TPR: variants seen among roughly 807,000 people sequenced by gnomAD.
The protein encoded by TPR is nucleoprotein TPR.
TPR carries 51 observed loss-of-function variants against 316.1 expected under a neutral mutation model. The observed-to-expected ratio is 0.16, with a 90% confidence interval of 0.13 to 0.20. The LOEUF (loss-of-function observed/expected upper bound fraction) is 0.20, where lower values mean the gene tolerates loss of function less well. Ranked by LOEUF, TPR falls within the 10% of genes least tolerant of loss-of-function variation. TPR has a pLI of 1.00. For missense variants in TPR, 2,272 were observed against 2,754.8 expected, an observed-to-expected ratio of 0.82 and a Z score of 3.92; for synonymous variants, 981 against 914.7, an observed-to-expected ratio of 1.07 and a Z score of -1.31.
intron 49 of TPR, among the ~76,000 whole-genome samples, chr1:186,315,886 A>C (rs142306517): frequency 9.0e-4 from 131 of 144,852 alleles, no homozygotes; most frequent in Non-Finnish European, 1.5e-3. Flanking sequence ...TATGCTCTTC[A>C]TTAAGTAACT....
intron 35 of TPR, among the ~76,000 whole-genome samples, chr1:186,334,791 C>CA (rs1183292081): frequency 6.6e-6 from 1 of 152,064 alleles, no homozygotes; most frequent in African/African-American, 2.4e-5. Context: ...CATCATGTAA[C>CA]ATCACGGGGA....
chr1:186,335,645 T>A (rs1358399981), intron 33 of TPR, 102 bp from the exon 34 acceptor site: 2 of 857,422 alleles, frequency 2.3e-6, no homozygotes, highest in Non-Finnish European at 3.5e-6. Flanking sequence ...TCTACTACTA[T>A]AACATCTACA....
Position 186,338,065 on chromosome 1 carries a change from G to T in TPR, c.4330C>A (p.Gln1444Lys). The T allele has an allele frequency of 6.2e-7, 1 of 1,607,670 alleles. No homozygotes were observed. The highest frequency in any genetic ancestry group is 1.1e-5 in the South Asian group (1 of 89,906). The change falls in exon 31 of 51, where the codon CAA becomes AAA. Residue 1444 changes from glutamine (Q) to lysine (K), a missense_variant. Transcript: ENST00000367478. ...TGTTGTGCTTTAAGTTCTTCATATT[G>T]AGTCTTGTACCTACGTCCAATTTTC... Reference protein sequence around the residue: ...VKKIGRRYKTQYEELKAQQDK... With the variant: ...VKKIGRRYKTKYEELKAQQDK...
Position 186,317,472 on chromosome 1 carries a change from A to G in TPR, c.6940+10T>C. 1 of 1,607,614 alleles carries G rather than the reference A, an allele frequency of 6.2e-7. No homozygotes were observed. Among genetic ancestry groups the G allele is most frequent in the African/African-American group, 1.3e-5 (1 of 74,928 alleles). On this transcript the variant is annotated intron_variant, in intron 49 of 50. Coordinates refer to ENST00000367478, the MANE Select transcript of TPR (RefSeq NM_003292.3). ...TAAAAACTGTATTGCAGTCAAGGGC[A>G]GGGACTCACCTACAGATGAGCTAGA... is the stretch of plus-strand genomic sequence containing the variant.
intron 42 of TPR, 144 bp downstream of exon 42, chr1:186,325,620 G>A (rs1055409330): frequency 1.6e-6 from 1 of 620,486 alleles, no homozygotes; most frequent in African/African-American, 1.8e-5. Flanking sequence ...CTTTTTATGA[G>A]AGCACAACAG....
intron 4 of TPR, among the ~76,000 whole-genome samples, chr1:186,365,268 G>A (rs1374237664): frequency 3.9e-5 from 6 of 151,968 alleles, no homozygotes; most frequent in Non-Finnish European, 5.9e-5. Flanking sequence ...GCTAATTTTT[G>A]TATTTTTAGT....
At chr1:186,360,431 TC>T (rs1659150965) in intron 10 of TPR, 67 bp from the exon 11 acceptor site, 1 of 1,529,352 alleles carries the variant, frequency 6.5e-7, no homozygotes, top group African/African-American at 1.4e-5. Context: ...TAATAATTTT[TC>T]AAGGTAAGTG....
chr1:186,321,662 C>T lies in TPR; in HGVS notation c.6461+656G>A, dbSNP rs546827134. Among the ~76,000 whole-genome samples, 29 of 152,278 alleles carry T rather than the reference C, an allele frequency of 1.9e-4. No individual in the cohort carries two copies. The South Asian group carries it at 4.8e-3, about 25-fold the overall frequency. On this transcript the variant is annotated intron_variant, in intron 45 of 50. Coordinates refer to ENST00000367478, the MANE Select transcript of TPR (RefSeq NM_003292.3). The stretch of plus-strand genomic sequence containing the variant: ...CCAAGACTGAATTCAATATCATCCG[C>T]GTTAAATCATCTCATATTCTTTCTC...
Position 186,359,810 on chromosome 1 carries a change from G to C in TPR, c.1378C>G (p.Gln460Glu). Residue 460 changes from glutamine (Q) to glutamate (E), a missense_variant, in exon 12 of 51, where the codon CAA (glutamine) becomes GAA (glutamate). By Grantham distance (29) the Gln-to-Glu change is conservative (BLOSUM62 2). This residue lies in a region of TPR where 549 missense variants were observed against 598.6 expected (regional missense o/e 0.92). Coordinates refer to ENST00000367478, the MANE Select transcript of TPR (RefSeq NM_003292.3). ...AVASLSVKLE[Q>E]AMKEIQRLQE... ...GGAATGGAACCAACCTTCATAGCTT[G>C]TTCAAGCTTAACAGATAAACTTGCT... The C allele has an allele frequency of 6.3e-7, 1 of 1,582,214 alleles. No homozygotes were observed. The highest frequency in any genetic ancestry group is 2.3e-5 in the East Asian group (1 of 43,566).
At chr1:186,335,613 T>C in intron 33 of TPR, 70 bp from the exon 34 acceptor site, 2 of 1,274,420 alleles carry the variant, frequency 1.6e-6, no homozygotes, top group Non-Finnish European at 1.1e-6. Context: ...ATGCACTTAA[T>C]TGGCACATGG....
rs566603419 is a variant in TPR at position 186,335,190 on chromosome 1, CA to C, written c.4912-62del. On this transcript the variant is annotated intron_variant, in intron 34 of 50. Coordinates refer to ENST00000367478, the MANE Select transcript of TPR (RefSeq NM_003292.3). Reference sequence around the variant, plus strand: ...CCACAAGAGTCCACTAAAAATGCCACAAAAAAATTGTCATTATTGTTAATTC... The same window carrying C: ...CCACAAGAGTCCACTAAAAATGCCACAAAAAATTGTCATTATTGTTAATTC... 119 of 1,564,096 alleles carry C rather than the reference CA, an allele frequency of 7.6e-5. 1 individual carries two copies. The East Asian group carries it at 2.0e-3, about 27-fold the overall frequency.
intron 4 of TPR, 113 bp downstream of exon 4, chr1:186,367,773 C>T: frequency 1.2e-5 from 8 of 656,050 alleles, no homozygotes; most frequent in Non-Finnish European, 2.1e-5. Flanking sequence ...CAACTCTATA[C>T]TCAACCATAA....
chr1:186,315,825 C>CCCTGA (rs1244874316), intron 49 of TPR, among the ~76,000 whole-genome samples: 1 of 149,694 alleles, frequency 6.7e-6, no homozygotes, highest in Non-Finnish European at 1.5e-5. Context: ...CACAAGCAGA[C>CCCTGA]ACACTGCTGC....
At chr1:186,322,483 A>C (rs373614997) in intron 44 of TPR, 35 bp downstream of exon 44, 4 of 1,613,376 alleles carry the variant, frequency 2.5e-6, no homozygotes, top group African/African-American at 1.3e-5. Context: ...CTGCTCAAGA[A>C]ATGAATTACT....
At chr1:186,363,115 A>G in intron 5 of TPR, 114 bp from the exon 6 acceptor site, 1 of 1,218,852 alleles carries the variant, frequency 8.2e-7, no homozygotes, top group Non-Finnish European at 1.1e-6. Context: ...ACAGAAATTA[A>G]GTATTTGCAT....
chr1:186,317,782 TG>T, intron 48 of TPR, among the ~76,000 whole-genome samples, 182 bp from the exon 49 acceptor site: 1 of 152,336 alleles, frequency 6.6e-6, no homozygotes, highest in Middle Eastern at 3.4e-3. Flanking sequence ...GAGCTCAAAT[TG>T]TTTTTTCCTC....
rs762270924 is a variant in TPR, at chr1:186,375,197, G to A, written c.-169C>T. On this transcript the variant is annotated 5_prime_UTR_variant, in exon 1 of 51. Coordinates refer to ENST00000367478, the MANE Select transcript of TPR (RefSeq NM_003292.3). ...TCCCGCGGCGGGACCCTGGGAAATC[G>A]AGTCCACCCTCAGCGGCAGCGTTTC... The A allele has an allele frequency of 1.4e-5, 22 of 1,519,072 alleles. No individual in the cohort carries two copies. In the African/African-American group the frequency reaches 2.2e-4, roughly 15 times the overall value. 94.1% of individuals were successfully genotyped at this position (1,519,072 alleles called of 1,614,324 possible). A position where few individuals can be genotyped will look rare whatever the true frequency, so the allele number is the denominator to read the frequency against.
rs201973624 is a variant in TPR, at chr1:186,333,130, A to T, written c.5447T>A (p.Phe1816Tyr). ...VERPSTSTAV[F>Y]GTVSATPSSS... is the part of the protein sequence containing the mutation. ...TTTAAAATTAATTTTACCTGTGCCA[A>T]ATACTGCTGTGGAAGTAGAAGGCCG... The change falls in exon 37 of 51, where the codon TTT becomes TAT. Residue 1816 changes from phenylalanine (F) to tyrosine (Y), a missense_variant. Physicochemically the swap from Phe to Tyr is conservative, Grantham distance 22 (BLOSUM62 3). Transcript: ENST00000367478. 1.2e-6 allele frequency: 2 copies of T among 1,613,218 alleles called. No homozygotes were observed. Among genetic ancestry groups the T allele is most frequent in the Non-Finnish European group, 1.7e-6 (2 of 1,179,450 alleles).
chr1:186,356,608 T>C, intron 14 of TPR, 159 bp from the exon 15 acceptor site: 1 of 654,932 alleles, frequency 1.5e-6, no homozygotes, highest in Non-Finnish European at 2.5e-6. Flanking sequence ...AACTACTTTT[T>C]AAATCCCCAC....
Sources: allele counts gnomAD v4.1 joint callset (sites outside exome capture counted in the v4.1 genomes callset), GRCh38; gene constraint gnomAD v4.1.1; regional missense constraint gnomAD v4.1.1; transcripts MANE v1.5; gene names NCBI Gene and HGNC (gene_info 2026-07-23, HGNC 2026-07-21).